Variants in SAMD5 observed in about 807,000 individuals in gnomAD.
The protein encoded by SAMD5 is sterile alpha motif domain containing 5.
SAMD5 carries 13 observed loss-of-function variants against 11.3 expected under a neutral mutation model. The observed-to-expected ratio is 1.15, with a 90% CI of 0.75 to 1.83. The LOEUF (loss-of-function observed/expected upper bound fraction) is 1.83. SAMD5 is among the 40% of genes most tolerant of loss of function. The probability of loss-of-function intolerance (pLI) is 0.00; values close to 1 mark genes in which losing one functional copy is unlikely to be tolerated. For missense variants in SAMD5, 255 were observed against 239.1 expected (o/e 1.07, Z -0.44); for synonymous variants, 129 against 111.3 (o/e 1.16, Z -1.00).
chr6:147,732,227 G>T (rs956536582), intron 1 of SAMD5, among the ~76,000 whole-genome samples: 1 of 152,102 alleles, frequency 6.6e-6, no homozygotes, highest in African/African-American at 2.4e-5. Context: ...TGACCCTTGA[G>T]AAAAGAATTA....
rs559693502 is a variant in SAMD5 at position 147,564,451 on chromosome 6, C to T, written c.517C>T (p.Arg173Cys). 29 of 782,356 alleles carry T rather than the reference C, an allele frequency of 3.7e-5. No homozygotes were observed. The highest frequency in any genetic ancestry group is 6.7e-5 in the South Asian group (5 of 74,620). The allele number at this position is 782,356 out of a possible 1,614,324, so 48.5% of individuals were successfully genotyped here. Residue 173 changes from arginine to cysteine, a missense_variant, in exon 2 of 2, where the codon CGC becomes TGC. By Grantham distance (180) the Arg-to-Cys change is radical (BLOSUM62 -3). Transcript: ENST00000367474. The part of the protein sequence containing the change: ...LMNWPKSSQS[R>C] ...GAATTGGCCGAAGTCATCACAGAGC[C>T]GCTAGATATCATTTTTGAGACCTCG...
At chr6:147,746,907 G>A in the SAMD5 span, among the ~76,000 whole-genome samples, 2 of 152,196 alleles carry the variant, frequency 1.3e-5, no homozygotes, top group Admixed American at 6.5e-5. Flanking sequence ...TTGAGACTAG[G>A]TCATGGGCTG....
At chr6:147,739,979 C>T (rs1414190205), downstream of SAMD5, among the ~76,000 whole-genome samples, 1 of 152,020 alleles carries the variant, frequency 6.6e-6, no homozygotes, top group South Asian at 2.1e-4. Flanking sequence ...GCCACCACGC[C>T]CGGCCAATTT....
At chr6:147,628,886 T>C (rs912741562) in intron 1 of SAMD5, among the ~76,000 whole-genome samples, 1 of 152,176 alleles carries the variant, frequency 6.6e-6, no homozygotes, top group Non-Finnish European at 1.5e-5. Context: ...CATTATCACA[T>C]TCATGACAAT....
At chr6:147,848,358 T>C in the SAMD5 span, among the ~76,000 whole-genome samples, 72 of 152,308 alleles carry the variant, frequency 4.7e-4, 1 homozygote, top group African/African-American at 1.7e-3. Context: ...AAGGCTTAAA[T>C]CTTGGGTCTC....
intron 1 of SAMD5, among the ~76,000 whole-genome samples, chr6:147,512,329 C>T (rs887385068): frequency 6.6e-6 from 1 of 152,044 alleles, no homozygotes. Context: ...CCTTTGCAGT[C>T]ATTTGCATCA....
At chr6:147,944,333 G>A in the SAMD5 span, among the ~76,000 whole-genome samples, 2 of 152,184 alleles carry the variant, frequency 1.3e-5, no homozygotes, top group Non-Finnish European at 2.9e-5. Context: ...CACAATCATG[G>A]CGAAGGAAAG....
intron 1 of SAMD5, among the ~76,000 whole-genome samples, chr6:147,622,245 C>T (rs7756592): frequency 0.43 from 65,674 of 152,078 alleles, 14,892 homozygotes; most frequent in East Asian, 0.58. Flanking sequence ...TCCATAAATC[C>T]ACACAATCCT....
At chr6:147,935,526 A>G in the SAMD5 span, among the ~76,000 whole-genome samples, 1 of 152,240 alleles carries the variant, frequency 6.6e-6, no homozygotes, top group African/African-American at 2.4e-5. Flanking sequence ...TATAATTCAC[A>G]CTTAACATCA....
the SAMD5 span, among the ~76,000 whole-genome samples, chr6:147,942,918 A>C: frequency 3.4e-4 from 50 of 147,822 alleles, no homozygotes; most frequent in African/African-American, 1.2e-3. Flanking sequence ...GCCACAAGTG[A>C]TTCTCCTGCC....
At chr6:147,686,833 T>C (rs1300048587) in intron 1 of SAMD5, among the ~76,000 whole-genome samples, 2 of 152,170 alleles carry the variant, frequency 1.3e-5, no homozygotes, top group South Asian at 2.1e-4. Context: ...AAGCTAAATA[T>C]TTGGCTTCTC....
intron 1 of SAMD5, among the ~76,000 whole-genome samples, chr6:147,683,025 C>T (rs893848636): frequency 6.6e-6 from 1 of 152,142 alleles, no homozygotes; most frequent in Non-Finnish European, 1.5e-5. Flanking sequence ...TTTCTCTGTG[C>T]TATATAGAAC....
chr6:147,835,867 T>A, the SAMD5 span, among the ~76,000 whole-genome samples: 1 of 152,196 alleles, frequency 6.6e-6, no homozygotes, highest in Non-Finnish European at 1.5e-5. Flanking sequence ...CAGATTTTCC[T>A]TCGTGACTGA....
intron 1 of SAMD5, among the ~76,000 whole-genome samples, chr6:147,581,778 A>C (rs1789301184): frequency 6.6e-6 from 1 of 152,210 alleles, no homozygotes; most frequent in Admixed American, 6.5e-5. Context: ...AAAGATAAAA[A>C]GTATAGAGAG....
intron 1 of SAMD5, among the ~76,000 whole-genome samples, chr6:147,582,616 G>A (rs137955876): frequency 6.2e-4 from 95 of 152,230 alleles, no homozygotes; most frequent in Admixed American, 2.8e-3. Context: ...TCTTAGCAGC[G>A]GTCAGTTTTG....
chr6:147,615,584 G>T (rs1789854471), intron 1 of SAMD5, among the ~76,000 whole-genome samples: 2 of 152,106 alleles, frequency 1.3e-5, no homozygotes, highest in South Asian at 4.1e-4. Flanking sequence ...TGAATGAAAT[G>T]AATGAATGAA....
chr6:147,869,230 T>G, the SAMD5 span, among the ~76,000 whole-genome samples: 1 of 152,220 alleles, frequency 6.6e-6, no homozygotes, highest in Non-Finnish European at 1.5e-5. Flanking sequence ...AGTGTGCAGA[T>G]GAAGGGGTCC....
At chr6:147,925,169 G>A in the SAMD5 span, among the ~76,000 whole-genome samples, 3 of 152,280 alleles carry the variant, frequency 2.0e-5, no homozygotes, top group Admixed American at 6.6e-5. Flanking sequence ...ATTAGGTCAC[G>A]AGGGTGGAGC....
rs79068181 is a variant in SAMD5 at position 147,688,881 on chromosome 6, C to T, written c.163-48436C>T. On this transcript the variant is annotated intron_variant, in intron 1 of 1. Transcript: ENST00000566741. The stretch of plus-strand genomic sequence containing the variant: ...TCACCAAAGGTCAAAATCCTGGCTT[C>T]ATTCTTTAATGAGAAAACTAGTCAG... Among the ~76,000 whole-genome samples, 518 of 152,308 alleles carry T rather than the reference C, an allele frequency of 3.4e-3. 10 individuals are homozygous for T. In the East Asian group the frequency reaches 0.045, roughly 13 times the overall value.
Sources: allele counts gnomAD v4.1 joint callset (sites outside exome capture counted in the v4.1 genomes callset), GRCh38; gene constraint gnomAD v4.1.1; transcripts MANE v1.5; gene names NCBI Gene and HGNC (gene_info 2026-07-23, HGNC 2026-07-21).